Variants in CSRNP3 observed in about 807,000 individuals in gnomAD.
CSRNP3 encodes the protein cysteine and serine rich nuclear protein 3, also known as cysteine/serine-rich nuclear protein 3.
CSRNP3 carries 12 observed loss-of-function variants against 48.0 expected under a neutral mutation model. The observed-to-expected ratio is 0.25, with a 90% confidence interval of 0.16 to 0.41. CSRNP3 has a LOEUF of 0.41. Ranked by LOEUF, CSRNP3 falls within the 10% of genes least tolerant of loss-of-function variation. CSRNP3 has a pLI of 1.00. For missense variants in CSRNP3, 580 were observed against 724.4 expected (o/e 0.80, Z 2.29); for synonymous variants, 263 against 269.7 (o/e 0.98, Z 0.24).
At position 165,683,345 on chromosome 2, in the gene CSRNP3, A is replaced by G. The variant is rs1376842402; in HGVS notation, c.*3592A>G. 3 of 152,044 alleles carry G rather than the reference A, an allele frequency of 2.0e-5. No individual in the cohort carries two copies. The highest frequency in any genetic ancestry group is 7.2e-5 in the African/African-American group (3 of 41,408). The allele number at this position is 152,044 out of a possible 1,614,324, so 9.4% of individuals were successfully genotyped here. Reference sequence around the variant, plus strand: ...CTTCACAATCATATATGGCCCTGCAATACTCCCTGAATTCCTTCCCTCCAA... The same window carrying G: ...CTTCACAATCATATATGGCCCTGCAGTACTCCCTGAATTCCTTCCCTCCAA... On this transcript the variant is annotated 3_prime_UTR_variant, in exon 7 of 7. Coordinates refer to ENST00000651982, the MANE Select transcript of CSRNP3 (RefSeq NM_001172173.2).
chr2:165,506,405 A>G (rs1012029043), intron 2 of CSRNP3, among the ~76,000 whole-genome samples: 1 of 152,120 alleles, frequency 6.6e-6, no homozygotes, highest in Non-Finnish European at 1.5e-5. Context: ...GGGATACACA[A>G]GAATATTCTC....
intron 3 of CSRNP3, among the ~76,000 whole-genome samples, chr2:165,587,833 G>A (rs1249903901): frequency 6.6e-6 from 1 of 152,182 alleles, no homozygotes; most frequent in East Asian, 1.9e-4. Flanking sequence ...AACCAAATAT[G>A]TTGTTAGGGG....
At chr2:165,635,331 C>CA (rs2105329751) in intron 4 of CSRNP3, among the ~76,000 whole-genome samples, 1 of 152,356 alleles carries the variant, frequency 6.6e-6, no homozygotes, top group Non-Finnish European at 1.5e-5. Flanking sequence ...CCACATAGGA[C>CA]AATCTGATTC....
At chr2:165,551,983 T>C (rs1350843441) in intron 3 of CSRNP3, among the ~76,000 whole-genome samples, 1 of 152,208 alleles carries the variant, frequency 6.6e-6, no homozygotes, top group Non-Finnish European at 1.5e-5. Context: ...CTATTAATTA[T>C]TATGGCACAA....
intron 4 of CSRNP3, among the ~76,000 whole-genome samples, chr2:165,650,750 C>T (rs143440649): frequency 6.6e-6 from 1 of 152,252 alleles, no homozygotes; most frequent in African/African-American, 2.4e-5. Flanking sequence ...AAGTTGATTT[C>T]AGCAATCTCA....
chr2:165,601,326 G>A (rs1660500716), intron 4 of CSRNP3, among the ~76,000 whole-genome samples: 1 of 152,130 alleles, frequency 6.6e-6, no homozygotes, highest in African/African-American at 2.4e-5. Context: ...CTGAGCCATA[G>A]TCCCAAAAGG....
At chr2:165,627,648 A>T (rs1686460837) in intron 4 of CSRNP3, among the ~76,000 whole-genome samples, 1 of 152,106 alleles carries the variant, frequency 6.6e-6, no homozygotes, top group Non-Finnish European at 1.5e-5. Context: ...CCACTACTAG[A>T]TATAACTCAC....
At chr2:165,478,639 A>C (rs1276882984) in intron 1 of CSRNP3, among the ~76,000 whole-genome samples, 1 of 152,220 alleles carries the variant, frequency 6.6e-6, no homozygotes. Flanking sequence ...ATAAGATCCC[A>C]TTCTTCAGTT....
intron 3 of CSRNP3, among the ~76,000 whole-genome samples, chr2:165,579,533 TATCTC>T (rs1459608402): frequency 6.6e-6 from 1 of 152,200 alleles, no homozygotes; most frequent in Non-Finnish European, 1.5e-5. Flanking sequence ...CCAGAGTTTC[TATCTC>T]ATCTATAGAC....
At chr2:165,662,704 AC>A (rs1472119491) in intron 5 of CSRNP3, among the ~76,000 whole-genome samples, 1 of 152,192 alleles carries the variant, frequency 6.6e-6, no homozygotes, top group African/African-American at 2.4e-5. Context: ...GTTCTATCAT[AC>A]TGGATTCTAC....
At chr2:165,518,759 C>A (rs1684612929) in intron 3 of CSRNP3, among the ~76,000 whole-genome samples, 1 of 151,920 alleles carries the variant, frequency 6.6e-6, no homozygotes, top group Admixed American at 6.6e-5. Flanking sequence ...CTTGGTCAGG[C>A]ATGTCTTCAG....
At chr2:165,580,802 A>G (rs1055941335) in intron 3 of CSRNP3, among the ~76,000 whole-genome samples, 2 of 152,120 alleles carry the variant, frequency 1.3e-5, no homozygotes, top group African/African-American at 2.4e-5. Context: ...GAAACAAAAA[A>G]TGCTATCTTC....
chr2:165,569,606 TA>T (rs1406349033), intron 3 of CSRNP3, among the ~76,000 whole-genome samples: 6 of 152,058 alleles, frequency 3.9e-5, no homozygotes, highest in Admixed American at 6.6e-5. Context: ...AACATCCTTT[TA>T]ATCTTGGATG....
In CSRNP3 at chr2:165,659,592, T is replaced by C. The variant is rs146097171; in HGVS notation, c.408+1572T>C. ...TTTTTGTGCCACTTTAGAGATTAAA[T>C]GGAGAGAATTATGACACTGAAAACA... On this transcript the variant is annotated intron_variant, in intron 5 of 6. Coordinates refer to ENST00000651982, the MANE Select transcript of CSRNP3 (RefSeq NM_001172173.2). Among the ~76,000 whole-genome samples, 110 of 152,236 alleles carry C rather than the reference T, an allele frequency of 7.2e-4. 1 individual carries two copies. The East Asian group carries it at 0.02, about 28-fold the overall frequency.
intron 1 of CSRNP3, among the ~76,000 whole-genome samples, chr2:165,477,304 T>C (rs1459423433): frequency 6.6e-5 from 10 of 151,390 alleles, no homozygotes; most frequent in Admixed American, 6.6e-4. Flanking sequence ...ACTAAGACTT[T>C]TAACGAAGGG....
chr2:165,580,870 T>C (rs1685534750), intron 3 of CSRNP3, among the ~76,000 whole-genome samples: 1 of 151,916 alleles, frequency 6.6e-6, no homozygotes, highest in South Asian at 2.1e-4. Flanking sequence ...TTTTGTTTTT[T>C]TTTTCCTCAA....
At chr2:165,639,786 T>G (rs1686695216) in intron 4 of CSRNP3, among the ~76,000 whole-genome samples, 1 of 152,182 alleles carries the variant, frequency 6.6e-6, no homozygotes, top group South Asian at 2.1e-4. Flanking sequence ...TAATTCCTCC[T>G]TCAGAAAATC....
intron 4 of CSRNP3, among the ~76,000 whole-genome samples, chr2:165,652,134 A>G (rs1345396056): frequency 1.3e-5 from 2 of 152,200 alleles, no homozygotes; most frequent in African/African-American, 4.8e-5. Context: ...TGGGCAGTGT[A>G]TATAGTAGTG....
chr2:165,520,826 T>TAC (rs1684650049), intron 3 of CSRNP3, among the ~76,000 whole-genome samples: 2 of 105,048 alleles, frequency 1.9e-5, no homozygotes, highest in African/African-American at 3.7e-5. Flanking sequence ...TATATATATA[T>TAC]ACATATTTTT....
Sources: allele counts gnomAD v4.1 joint callset (sites outside exome capture counted in the v4.1 genomes callset), GRCh38; gene constraint gnomAD v4.1.1; transcripts MANE v1.5; gene names NCBI Gene and HGNC (gene_info 2026-07-23, HGNC 2026-07-21).